UGT2A1: variants seen among roughly 807,000 people sequenced by gnomAD.
UGT2A1 encodes the protein UDP-glucuronosyltransferase 2A1.
UGT2A1 carries 61 observed loss-of-function variants against 45.4 expected under a neutral mutation model. The observed-to-expected ratio is 1.34, with a 90% CI of 1.09 to 1.66. The LOEUF is 1.66. UGT2A1 is among the 40% of genes most tolerant of loss of function. UGT2A1 has a pLI of 0.00. For missense variants in UGT2A1, 649 were observed against 574.3 expected, an observed-to-expected ratio of 1.13 and a Z score of -1.33; for synonymous variants, 229 against 196.2, an observed-to-expected ratio of 1.17 and a Z score of -1.40.
At chr4:69,631,675 G>T (rs1721395794) in intron 3 of UGT2A1, among the ~76,000 whole-genome samples, 1 of 152,220 alleles carries the variant, frequency 6.6e-6, no homozygotes, top group South Asian at 2.1e-4. Context: ...GGGCATTTCT[G>T]GGTGTGTCCA....
At chr4:69,595,024 G>A (rs1033042324) in intron 5 of UGT2A1, 138 bp downstream of exon 5, 9 of 1,239,796 alleles carry the variant, frequency 7.3e-6, no homozygotes, top group Admixed American at 2.2e-5. Flanking sequence ...GGCCAATTAT[G>A]TAATTATATC....
intron 3 of UGT2A1, among the ~76,000 whole-genome samples, chr4:69,612,842 C>T (rs1720142935): frequency 6.9e-6 from 1 of 145,248 alleles, no homozygotes; most frequent in Non-Finnish European, 1.5e-5. Context: ...GCTAAGTCCT[C>T]AAAAGCAATT....
intron 2 of UGT2A1, among the ~76,000 whole-genome samples, chr4:69,646,664 C>T (rs891933219): frequency 6.6e-6 from 1 of 151,636 alleles, no homozygotes; most frequent in Non-Finnish European, 1.5e-5. Flanking sequence ...GAGATCCAGC[C>T]CAACTTTTAA....
At chr4:69,601,626 G>GT (rs1447529073) in intron 3 of UGT2A1, among the ~76,000 whole-genome samples, 15 of 152,110 alleles carry the variant, frequency 9.9e-5, no homozygotes, top group Non-Finnish European at 1.9e-4. Context: ...CCACATGCCA[G>GT]TACGTTACTA....
chr4:69,652,005 T>C (rs566575750), intron 1 of UGT2A1, among the ~76,000 whole-genome samples: 10 of 152,228 alleles, frequency 6.6e-5, no homozygotes, highest in African/African-American at 1.9e-4. Context: ...TCCAAGTACG[T>C]TTTCCTTTCT....
At position 69,594,438 on chromosome 4, in the gene UGT2A1, A is replaced by C. The variant is rs1577942819; in HGVS notation, c.1304+39T>G. ...ATTTTCTGGTATTATGAATAATGTA[A>C]TTAAAGTTAGGCAAGTTTTTAGGAG... On this transcript the variant is annotated intron_variant, in intron 6 of 6. Transcript: ENST00000286604. 3 of 1,603,726 alleles carry C rather than the reference A, an allele frequency of 1.9e-6. No individual in the cohort carries two copies. The East Asian group carries it at 6.7e-5, about 36-fold the overall frequency.
rs1718847694 is a variant in UGT2A1, at chr4:69,595,190, A to G, written c.1056T>C (p.Phe352=). The part of the protein sequence containing the change: ...PATLGNNTQL[F]DWIPQNDLLG... ...GAAGATCATTCTGGGGTATCCAATC[A>G]AAGAGCTGAGTATTGTTTCCTAATG... The change falls in exon 5 of 7, where the codon TTT becomes TTC. Residue 352 remains phenylalanine, a synonymous_variant. Transcript: ENST00000286604. 3 of 1,613,866 alleles carry G rather than the reference A, an allele frequency of 1.9e-6. No individual in the cohort carries two copies. Among genetic ancestry groups the G allele is most frequent in the Non-Finnish European group, 2.5e-6 (3 of 1,179,866 alleles).
intron 3 of UGT2A1, among the ~76,000 whole-genome samples, chr4:69,621,658 C>G (rs1159324561): frequency 6.6e-6 from 1 of 151,782 alleles, no homozygotes; most frequent in African/African-American, 2.4e-5. Flanking sequence ...TGGGTATACA[C>G]CGAAAGGAAT....
At chr4:69,614,874 G>T (rs1336381620) in intron 3 of UGT2A1, among the ~76,000 whole-genome samples, 1 of 152,032 alleles carries the variant, frequency 6.6e-6, no homozygotes, top group African/African-American at 2.4e-5. Context: ...CAGTTCCACA[G>T]GCTGTACAGG....
intron 3 of UGT2A1, among the ~76,000 whole-genome samples, chr4:69,629,995 T>C (rs1168096161): frequency 1.3e-5 from 2 of 152,100 alleles, no homozygotes; most frequent in Non-Finnish European, 2.9e-5. Flanking sequence ...ACAAGTATAC[T>C]TAAAATTCCA....
At chr4:69,601,208 A>C (rs1180907949) in intron 3 of UGT2A1, among the ~76,000 whole-genome samples, 1 of 152,094 alleles carries the variant, frequency 6.6e-6, no homozygotes, top group African/African-American at 2.4e-5. Flanking sequence ...TCCCTGGAAC[A>C]TTACCCCAAC....
intron 6 of UGT2A1, among the ~76,000 whole-genome samples, chr4:69,591,503 C>A (rs954801162): frequency 2.0e-5 from 3 of 152,070 alleles, no homozygotes; most frequent in Admixed American, 6.6e-5. Context: ...AGGAAGCCTT[C>A]AGGTAGTAGG....
chr4:69,589,471 C>G lies in UGT2A1; in HGVS notation c.1485G>C (p.Leu495Phe). The G allele has an allele frequency of 1.9e-6, 3 of 1,614,042 alleles. No homozygotes were observed. The highest frequency in any genetic ancestry group is 2.5e-6 in the Non-Finnish European group (3 of 1,180,002). ...QYHSLDVIGF[L>F]LVCVTTAIFL... is the part of the protein sequence containing the mutation. ...ATATAGCCGTTGTCACACAGACCAG[C>G]AAGAACCCAATTACATCCAAAGAGT... is the stretch of plus-strand genomic sequence containing the variant. Residue 495 changes from leucine (L) to phenylalanine (F), a missense_variant, in exon 7 of 7, where the codon TTG becomes TTC. By Grantham distance (22) the Leu-to-Phe change is conservative. Transcript: ENST00000286604.
chr4:69,615,166 C>T (rs560601461), intron 3 of UGT2A1, among the ~76,000 whole-genome samples: 13 of 152,092 alleles, frequency 8.5e-5, no homozygotes, highest in African/African-American at 3.1e-4. Context: ...CCATATCAAT[C>T]TCTATCTCTC....
chr4:69,599,190 G>C (rs554218464), intron 4 of UGT2A1, 56 bp downstream of exon 4: 1 of 1,530,310 alleles, frequency 6.5e-7, no homozygotes, highest in South Asian at 1.3e-5. Flanking sequence ...AACTTTAAAA[G>C]AAAATTAAGT....
intron 3 of UGT2A1, among the ~76,000 whole-genome samples, chr4:69,632,850 T>C (rs1458792217): frequency 6.7e-6 from 1 of 150,030 alleles, no homozygotes; most frequent in Non-Finnish European, 1.5e-5. Context: ...ATTGCGCCAT[T>C]GCAATCCAGC....
chr4:69,614,237 T>C (rs562507362), intron 3 of UGT2A1, among the ~76,000 whole-genome samples: 55 of 151,668 alleles, frequency 3.6e-4, no homozygotes, highest in Non-Finnish European at 7.7e-4. Flanking sequence ...ACAAATAAAA[T>C]AAAATACCTA....
chr4:69,631,966 C>T (rs1721412971), intron 3 of UGT2A1, among the ~76,000 whole-genome samples: 1 of 152,046 alleles, frequency 6.6e-6, no homozygotes, highest in African/African-American at 2.4e-5. Context: ...ATTAAAATGA[C>T]AATATAAGCA....
intron 6 of UGT2A1, among the ~76,000 whole-genome samples, chr4:69,592,332 C>A (rs2109875254): frequency 6.6e-6 from 1 of 152,080 alleles, no homozygotes; most frequent in African/African-American, 2.4e-5. Flanking sequence ...AAATTCAGAG[C>A]AAACACCAAG....
Sources: gnomAD v4.1 joint callset for allele counts (sites outside exome capture counted in the v4.1 genomes callset) on GRCh38, gnomAD v4.1.1 for gene constraint, MANE v1.5 for transcripts, NCBI Gene and HGNC (gene_info 2026-07-23, HGNC 2026-07-21) for gene names.